GREB1: variants seen among roughly 807,000 people sequenced by gnomAD.
GREB1 encodes growth regulating estrogen receptor binding 1, also known as protein GREB1.
In GREB1, 106 loss-of-function variants were observed where a neutral mutation model predicts 200.7. The ratio of observed to expected loss-of-function variants is 0.53; its 90% confidence interval spans 0.45 to 0.62. The LOEUF is 0.62. GREB1 is among the 20% of genes least tolerant of loss of function. GREB1 has a pLI of 0.00. For missense variants in GREB1, 2,243 were observed against 2,556.8 expected (o/e 0.88, Z 2.65); for synonymous variants, 1,132 against 1,092.4 (o/e 1.04, Z -0.72).
chr2:11,525,927 GT>G (rs1226857130), intron 1 of GREB1, among the ~76,000 whole-genome samples: 1 of 152,218 alleles, frequency 6.6e-6, no homozygotes, highest in Admixed American at 6.5e-5. Context: ...GCTGCGTGGA[GT>G]CAAGTGCCTT....
chr2:11,509,459 TC>T (rs1188430258), intron 1 of GREB1, among the ~76,000 whole-genome samples: 3 of 93,228 alleles, frequency 3.2e-5, no homozygotes, highest in Non-Finnish European at 6.2e-5. Context: ...TATGTGTATC[TC>T]TAAAGGTGTT....
intron 1 of GREB1, among the ~76,000 whole-genome samples, chr2:11,551,755 C>T (rs1053708265): frequency 6.6e-5 from 10 of 152,150 alleles, no homozygotes; most frequent in African/African-American, 1.2e-4. Context: ...AGCCCGGGTT[C>T]GATTCCCGGT....
At position 11,548,375 on chromosome 2, in the gene GREB1, TAC is replaced by T. The variant is rs1675502913; in HGVS notation, c.-161-8072_-161-8071del. Among the ~76,000 whole-genome samples the T allele has an allele frequency of 6.9e-6, 1 of 145,076 alleles. No individual in the cohort carries two copies. Among genetic ancestry groups the T allele is most frequent in the Non-Finnish European group, 1.5e-5 (1 of 67,916 alleles). ...ATACCCCAACACAGATGCACACACA[TAC>T]ACACACCCACATACATACACATACA... On this transcript the variant is annotated intron_variant, in intron 1 of 32. Transcript: ENST00000381486. This position sits in a 1 kb window ranked among gnomAD's most constrained non-coding sequence, Gnocchi z 5.1.
intron 1 of GREB1, among the ~76,000 whole-genome samples, chr2:11,529,025 G>A (rs1673978329): frequency 6.6e-6 from 1 of 152,196 alleles, no homozygotes; most frequent in South Asian, 2.1e-4. Flanking sequence ...GACTTTGAAA[G>A]TTCCCATTCA....
intron 1 of GREB1, among the ~76,000 whole-genome samples, chr2:11,518,170 A>G (rs140138313): frequency 1.2e-4 from 18 of 152,312 alleles, no homozygotes; most frequent in South Asian, 4.1e-4. Flanking sequence ...GGAGTGGACA[A>G]CCTGCTGAGA....
intron 2 of GREB1, among the ~76,000 whole-genome samples, chr2:11,557,934 G>T (rs1266738976): frequency 6.6e-6 from 1 of 152,134 alleles, no homozygotes. Context: ...ACTGTTTTTG[G>T]CCAGTTGAAA....
At chr2:11,538,609 G>GTTTCTTTCTTTC (rs66497558) in intron 1 of GREB1, among the ~76,000 whole-genome samples, 47 of 99,832 alleles carry the variant, frequency 4.7e-4, no homozygotes, top group Admixed American at 5.4e-4. Context: ...AGGAGCTTGT[G>GTTTCTTTCTTTC]TTTCTTTCTT....
intron 1 of GREB1, among the ~76,000 whole-genome samples, chr2:11,521,887 A>G (rs747295808): frequency 1.4e-4 from 21 of 152,188 alleles, no homozygotes; most frequent in African/African-American, 3.1e-4. Flanking sequence ...TCTTTGTACA[A>G]TGTACTCCAC....
chr2:11,485,259 T>TTATTTTATATA (rs1368326346), intron 1 of GREB1, among the ~76,000 whole-genome samples: 28 of 124,188 alleles, frequency 2.3e-4, no homozygotes, highest in African/African-American at 8.8e-4. Context: ...TTATTTTATT[T>TTATTTTATATA]TATATATATA....
At chr2:11,583,912 G>T (rs544003521) in intron 7 of GREB1, among the ~76,000 whole-genome samples, 1 of 151,976 alleles carries the variant, frequency 6.6e-6, no homozygotes, top group Non-Finnish European at 1.5e-5. Flanking sequence ...TTTTACTGTC[G>T]TTTCCAGAGA....
At chr2:11,591,931 A>G in intron 10 of GREB1, 1 of 859,900 alleles carries the variant, frequency 1.2e-6, no homozygotes, top group Non-Finnish European at 1.4e-6. Context: ...CCCAAAGTTT[A>G]TACTGACAAT....
rs570163659 is a variant in GREB1 at position 11,537,398 on chromosome 2, T to A, written c.-162+3144T>A. Among the ~76,000 whole-genome samples, 4 of 152,196 alleles carry A rather than the reference T, an allele frequency of 2.6e-5. No homozygotes were observed. The South Asian group carries it at 8.3e-4, about 32-fold the overall frequency. The stretch of plus-strand genomic sequence containing the variant: ...GTGCCAGGTACCATGCTAAGCACCC[T>A]ATACATACTAATTATTAAATCCACA... On this transcript the variant is annotated intron_variant, in intron 1 of 32. Transcript: ENST00000381486.
At chr2:11,616,359 C>T (rs910839918) in intron 20 of GREB1, among the ~76,000 whole-genome samples, 4 of 152,246 alleles carry the variant, frequency 2.6e-5, no homozygotes, top group South Asian at 2.1e-4. Flanking sequence ...GGCTCCCCGA[C>T]CCCTCTCTCT....
chr2:11,485,891 G>T (rs1351925686), intron 1 of GREB1, among the ~76,000 whole-genome samples: 1 of 152,160 alleles, frequency 6.6e-6, no homozygotes, highest in African/African-American at 2.4e-5. Flanking sequence ...AGAAAATCAG[G>T]ATGGGAAGAA....
chr2:11,585,666 C>G, intron 8 of GREB1, 96 bp from the exon 9 acceptor site: 1 of 1,388,300 alleles, frequency 7.2e-7, no homozygotes, highest in Non-Finnish European at 1.0e-6. Flanking sequence ...GGACGTTGGT[C>G]AGAGGGTAGC....
intron 7 of GREB1, among the ~76,000 whole-genome samples, chr2:11,582,906 G>C (rs1456391437): frequency 6.6e-6 from 1 of 152,182 alleles, no homozygotes; most frequent in African/African-American, 2.4e-5. Context: ...CTGGGGGCGG[G>C]GGTAGGAAAT....
At chr2:11,628,845 G>T (rs866863043) in intron 25 of GREB1, among the ~76,000 whole-genome samples, 1 of 152,144 alleles carries the variant, frequency 6.6e-6, no homozygotes, top group Non-Finnish European at 1.5e-5. Flanking sequence ...GTTCTCAGGG[G>T]TGCGCAGGTC....
rs1173532349 is a variant in GREB1 at position 11,641,482 on chromosome 2, T to C, written c.*1028T>C. 3 of 152,110 alleles carry C rather than the reference T, an allele frequency of 2.0e-5. No individual in the cohort carries two copies. The highest frequency in any genetic ancestry group is 7.3e-5 in the African/African-American group (3 of 41,294). 9.4% of individuals were successfully genotyped at this position (152,110 alleles called of 1,614,324 possible). A position where few individuals can be genotyped will look rare whatever the true frequency, so the allele number is the denominator to read the frequency against. On this transcript the variant is annotated 3_prime_UTR_variant, in exon 33 of 33. Transcript: ENST00000381486. ...CTGACAGAATGGTTTTGTTTTGTTT[T>C]GTTTTGTTTTGTTTTGTTTTTGAGA...
chr2:11,556,422 T>A (rs1676438842), intron 1 of GREB1, 32 bp from the exon 2 acceptor site: 1 of 496,716 alleles, frequency 2.0e-6, no homozygotes, highest in East Asian at 3.2e-5. Flanking sequence ...AGAAAGCTGT[T>A]ACTTATATAA....
Sources: gnomAD v4.1 joint callset for allele counts (sites outside exome capture counted in the v4.1 genomes callset) on GRCh38, gnomAD v4.1.1 for gene constraint, Gnocchi (gnomAD v3.1) non-coding constraint, MANE v1.5 for transcripts, NCBI Gene and HGNC (gene_info 2026-07-23, HGNC 2026-07-21) for gene names.